The following CDH19 variants were observed in gnomAD, a reference collection of about 807,000 sequenced individuals.
The protein encoded by CDH19 is cadherin 19.
A neutral mutation model predicts 64.2 loss-of-function variants in CDH19; 67 were observed. That is an observed-to-expected ratio of 1.04 (90% CI 0.86 to 1.28). The LOEUF (loss-of-function observed/expected upper bound fraction) is 1.28. Among genes scored for constraint, CDH19 ranks in the 50% most tolerant of loss-of-function variants. The probability of loss-of-function intolerance (pLI) is 0.00; values close to 1 mark genes in which losing one functional copy is unlikely to be tolerated. For synonymous variants in CDH19, 346 were observed against 319.3 expected, an observed-to-expected ratio of 1.08 and a Z score of -0.89; for missense variants, 1,030 against 929.0, an observed-to-expected ratio of 1.11 and a Z score of -1.41.
intron 4 of CDH19, among the ~76,000 whole-genome samples, 163 bp from the exon 5 acceptor site, chr18:66,551,421 C>T (rs888776628): frequency 2.6e-5 from 4 of 151,892 alleles, no homozygotes; most frequent in Non-Finnish European, 4.4e-5. Context: ...AATTAAACAT[C>T]AACACTGCCT....
rs1985140407 is a variant in CDH19 at position 66,505,309 on chromosome 18, A to G, written c.1829-7T>C. On this transcript the variant is annotated splice_region_variant and splice_polypyrimidine_tract_variant and intron_variant, in intron 11 of 11. Coordinates refer to ENST00000262150, the MANE Select transcript of CDH19 (RefSeq NM_021153.4). ...AAAGTCAAAAAAATAAACCCTGATG[A>G]AGAAAGCACATCAGAATATCAATAA... 2.6e-6 allele frequency: 4 copies of G among 1,533,728 alleles called. No homozygotes were observed. The highest frequency in any genetic ancestry group is 3.5e-6 in the Non-Finnish European group (4 of 1,145,372).
At chr18:66,516,419 A>G (rs983245458) in intron 9 of CDH19, among the ~76,000 whole-genome samples, 1 of 152,200 alleles carries the variant, frequency 6.6e-6, no homozygotes, top group Non-Finnish European at 1.5e-5. Flanking sequence ...ATTTTAAATG[A>G]GAAACAATAC....
intron 9 of CDH19, among the ~76,000 whole-genome samples, chr18:66,524,823 A>G (rs964182220): frequency 2.1e-4 from 32 of 151,928 alleles, no homozygotes; most frequent in Admixed American, 5.9e-4. Context: ...TTCTGCCCCA[A>G]TTTTATTTTT....
intron 1 of CDH19, among the ~76,000 whole-genome samples, chr18:66,585,191 A>G (rs1378034015): frequency 1.3e-5 from 2 of 152,104 alleles, no homozygotes; most frequent in African/African-American, 4.8e-5. Context: ...TCTTTAATTG[A>G]AGGAAAAAAG....
At chr18:66,557,511 G>A (rs1390649168) in intron 3 of CDH19, among the ~76,000 whole-genome samples, 3 of 151,936 alleles carry the variant, frequency 2.0e-5, no homozygotes, top group East Asian at 1.9e-4. Context: ...AAAAATCTGT[G>A]ATATTATAAA....
Position 66,568,581 on chromosome 18 carries a change from C to T in CDH19, c.325G>A (p.Glu109Lys), listed in dbSNP as rs1317594506. The change falls in exon 3 of 12, where the codon GAG becomes AAG. Residue 109 changes from glutamate (E) to lysine (K), a missense_variant. Glu to Lys is a moderately conservative substitution (Grantham distance 56). Coordinates refer to ENST00000262150, the MANE Select transcript of CDH19 (RefSeq NM_021153.4). ...GCTCTTAAGATGTAGAGGGATCGCT[C>T]CTCTCTATCAAGCTTCTGTATGGCA... ...IYAIQKLDRE[E>K]RSLYILRAQV... 6.2e-7 allele frequency: 1 copy of T among 1,612,132 alleles called. No individual in the cohort carries two copies. Among genetic ancestry groups the T allele is most frequent in the Non-Finnish European group, 8.5e-7 (1 of 1,178,810 alleles).
chr18:66,551,401 A>T, intron 4 of CDH19, 143 bp from the exon 5 acceptor site: 1 of 586,830 alleles, frequency 1.7e-6, no homozygotes. Flanking sequence ...GAGAAAAATA[A>T]TAAAAAATAA....
chr18:66,548,682 T>C (rs898018836), intron 5 of CDH19, among the ~76,000 whole-genome samples: 1 of 152,142 alleles, frequency 6.6e-6, no homozygotes, highest in Non-Finnish European at 1.5e-5. Flanking sequence ...TCAGATCAGT[T>C]TGGTCAAGTA....
chr18:66,509,243 T>C lies in CDH19; in HGVS notation c.1580A>G (p.Asn527Ser). ...SSFTIIDNQDNTAVILTNRTG... is the reference protein window; with the variant it reads ...SSFTIIDNQDSTAVILTNRTG... ...TCTATTAGTCAAAATGACAGCTGTG[T>C]TATCTAAAACAAAAATCCATGTGCA... Residue 527 changes from asparagine (N) to serine (S), a missense_variant, in exon 11 of 12, where the codon AAC (asparagine) becomes AGC (serine). Coordinates refer to ENST00000262150, the MANE Select transcript of CDH19 (RefSeq NM_021153.4). The C allele has an allele frequency of 6.2e-7, 1 of 1,611,386 alleles. No individual in the cohort carries two copies. The highest frequency in any genetic ancestry group is 8.5e-7 in the Non-Finnish European group (1 of 1,178,438).
intron 1 of CDH19, among the ~76,000 whole-genome samples, chr18:66,591,793 T>C (rs1988754314): frequency 6.6e-6 from 1 of 151,792 alleles, no homozygotes; most frequent in South Asian, 2.1e-4. Context: ...AATCTTGGGG[T>C]TCTATTTTGA....
intron 7 of CDH19, among the ~76,000 whole-genome samples, chr18:66,535,929 T>TTA (rs1196147972): frequency 2.0e-5 from 3 of 147,106 alleles, no homozygotes; most frequent in Non-Finnish European, 4.5e-5. Flanking sequence ...TATATATGTT[T>TTA]TATATATATA....
intron 9 of CDH19, among the ~76,000 whole-genome samples, chr18:66,512,539 T>TA (rs1302408655): frequency 6.6e-6 from 1 of 151,510 alleles, no homozygotes; most frequent in Non-Finnish European, 1.5e-5. Flanking sequence ...AGATTTATAT[T>TA]ATACTTCAAA....
chr18:66,563,181 G>C (rs1224289394), intron 3 of CDH19, among the ~76,000 whole-genome samples: 1 of 151,932 alleles, frequency 6.6e-6, no homozygotes, highest in Non-Finnish European at 1.5e-5. Flanking sequence ...CCTGTGGCGA[G>C]GGCATTTTAT....
Position 66,524,542 on chromosome 18 carries a change from G to GTATATATATATATATA in CDH19, c.1458+5287_1458+5302dup, listed in dbSNP as rs72219868. Among the ~76,000 whole-genome samples, 161 of 94,528 alleles carry GTATATATATATATATA rather than the reference G, an allele frequency of 1.7e-3. 2 individuals carry two copies. The highest frequency in any genetic ancestry group is 4.2e-3 in the South Asian group (9 of 2,142). The allele number at this position is 94,528 out of a possible 152,430, so 62.0% of individuals were successfully genotyped here. On this transcript the variant is annotated intron_variant, in intron 9 of 11. Transcript: ENST00000262150. Reference sequence around the variant, plus strand: ...ACAATATATGCGTGTATGTTTGTGTGTATATATATATATATATATATATAT... The same window carrying GTATATATATATATATA: ...ACAATATATGCGTGTATGTTTGTGTGTATATATATATATATATATATATATATATATATATATATAT...
intron 1 of CDH19, among the ~76,000 whole-genome samples, chr18:66,594,579 T>C (rs1013052549): frequency 1.3e-5 from 2 of 151,608 alleles, no homozygotes; most frequent in Non-Finnish European, 2.9e-5. Flanking sequence ...TGGAACACAG[T>C]GCAATAACAA....
At chr18:66,571,788 C>T (rs1433967440) in intron 2 of CDH19, among the ~76,000 whole-genome samples, 3 of 151,512 alleles carry the variant, frequency 2.0e-5, no homozygotes, top group Non-Finnish European at 3.0e-5. Context: ...CATTTTCATA[C>T]GGGATACTGA....
In CDH19 at chr18:66,509,065, C is replaced by G. The variant is rs755850405; in HGVS notation, c.1758G>C (p.Glu586Asp). 3 of 1,612,848 alleles carry G rather than the reference C, an allele frequency of 1.9e-6. No individual in the cohort carries two copies. The South Asian group carries it at 3.3e-5, about 18-fold the overall frequency. Residue 586 changes from glutamate (E) to aspartate (D), a missense_variant, in exon 11 of 12, where the codon GAG (glutamate) becomes GAC (aspartate). Physicochemically the swap from Glu to Asp is conservative, Grantham distance 45. Transcript: ENST00000262150. Reference sequence around the variant, plus strand: ...TCTTGAATCCCATGGAAAGCACAAGCTCCTGGTACTGGCAGGTCTGTGTGC... The same window carrying G: ...TCTTGAATCCCATGGAAAGCACAAGGTCCTGGTACTGGCAGGTCTGTGTGC... ...SGSTQTCQYQELVLSMGFKTE... is the reference protein window; with the variant it reads ...SGSTQTCQYQDLVLSMGFKTE...
chr18:66,541,667 A>G (rs1437959861), intron 7 of CDH19, among the ~76,000 whole-genome samples: 1 of 152,176 alleles, frequency 6.6e-6, no homozygotes, highest in Non-Finnish European at 1.5e-5. Flanking sequence ...TAACATATGT[A>G]TGAAAAGCAA....
At chr18:66,598,392 T>C (rs540762736) in intron 1 of CDH19, among the ~76,000 whole-genome samples, 1 of 152,238 alleles carries the variant, frequency 6.6e-6, no homozygotes, top group South Asian at 2.1e-4. Flanking sequence ...TGCACAAATA[T>C]GTTCATCACA....
Sources: gnomAD v4.1 joint callset for allele counts (sites outside exome capture counted in the v4.1 genomes callset) on GRCh38, gnomAD v4.1.1 for gene constraint, MANE v1.5 for transcripts, NCBI Gene and HGNC (gene_info 2026-07-23, HGNC 2026-07-21) for gene names.